Variants in FHIP1A observed in about 807,000 individuals in gnomAD.
The protein encoded by FHIP1A is FHF complex subunit HOOK-interacting protein 1A.
Under a neutral mutation model 88.6 loss-of-function variants are expected in FHIP1A, and 61 were observed. The observed-to-expected ratio is 0.69, with a 90% CI of 0.56 to 0.85. FHIP1A has a LOEUF of 0.85. Ranked by LOEUF, FHIP1A falls within the 40% of genes least tolerant of loss-of-function variation. FHIP1A has a pLI of 0.00. For missense variants in FHIP1A, 1,154 were observed against 1,273.5 expected, an observed-to-expected ratio of 0.91 and a Z score of 1.43; for synonymous variants, 478 against 496.0, an observed-to-expected ratio of 0.96 and a Z score of 0.48.
At chr4:151,506,666 A>C (rs1000341942) in intron 3 of FHIP1A, among the ~76,000 whole-genome samples, 1 of 152,014 alleles carries the variant, frequency 6.6e-6, no homozygotes, top group Non-Finnish European at 1.5e-5. Context: ...GAAGTTATTC[A>C]CTCCTAAGAA....
chr4:151,610,729 C>T (rs1419628238), intron 7 of FHIP1A, among the ~76,000 whole-genome samples: 1 of 152,146 alleles, frequency 6.6e-6, no homozygotes, highest in Non-Finnish European at 1.5e-5. Context: ...TCTTCTCATC[C>T]TCCAATGTCC....
At chr4:151,446,429 A>G (rs1258341065) in intron 1 of FHIP1A, among the ~76,000 whole-genome samples, 1 of 149,968 alleles carries the variant, frequency 6.7e-6, no homozygotes, top group African/African-American at 2.4e-5. Flanking sequence ...TACACACATA[A>G]TGTCATGGGA....
chr4:151,635,610 C>A (rs1213169029), intron 8 of FHIP1A, among the ~76,000 whole-genome samples: 1 of 151,692 alleles, frequency 6.6e-6, no homozygotes, highest in East Asian at 1.9e-4. Flanking sequence ...GGGTATTATG[C>A]GAAGTGAAGT....
chr4:151,593,899 G>C (rs1364157080), intron 7 of FHIP1A, among the ~76,000 whole-genome samples: 1 of 152,158 alleles, frequency 6.6e-6, no homozygotes, highest in African/African-American at 2.4e-5. Context: ...CTGTGGGTTT[G>C]TCATAAATAG....
At position 151,459,184 on chromosome 4, in the gene FHIP1A, T is replaced by C. The variant is rs186643871; in HGVS notation, c.-248+4376T>C. 1.0e-3 allele frequency among the ~76,000 whole-genome samples: 159 copies of C among 152,190 alleles called. 1 individual carries two copies. The highest frequency in any genetic ancestry group is 2.6e-3 in the Admixed American group (40 of 15,278). On this transcript the variant is annotated intron_variant, in intron 2 of 13. Coordinates refer to ENST00000435205, the MANE Select transcript of FHIP1A (RefSeq NM_001109977.3). ...CTAAAGAGAATTTTTTTTTAAAGTA[T>C]ATATATACACACACGTGCACAAAAA... is the stretch of plus-strand genomic sequence containing the variant.
At chr4:151,508,109 G>T (rs1730898028) in intron 3 of FHIP1A, among the ~76,000 whole-genome samples, 1 of 152,184 alleles carries the variant, frequency 6.6e-6, no homozygotes, top group African/African-American at 2.4e-5. Flanking sequence ...TTTGGAAGAG[G>T]CACAGAGATG....
At chr4:151,579,984 T>G (rs1337920168) in intron 5 of FHIP1A, among the ~76,000 whole-genome samples, 1 of 152,212 alleles carries the variant, frequency 6.6e-6, no homozygotes, top group Non-Finnish European at 1.5e-5. Flanking sequence ...GGGGATATTC[T>G]CCCACATAAC....
rs138663823 is a variant in FHIP1A, at chr4:151,576,965, C to T, written c.106-485C>T. On this transcript the variant is annotated intron_variant, in intron 4 of 13. Coordinates refer to ENST00000435205, the MANE Select transcript of FHIP1A (RefSeq NM_001109977.3). The stretch of plus-strand genomic sequence containing the variant: ...TTTAAAATTAAAAAGCAATATTATA[C>T]ATCAACAATCTAGAAAAAAATTTAA... The T allele has an allele frequency of 4.2e-3, 652 of 153,590 alleles. 5 individuals carry two copies. The highest frequency in any genetic ancestry group is 5.8e-3 in the Non-Finnish European group (401 of 68,998). The allele number at this position is 153,590 out of a possible 1,614,324, so 9.5% of individuals were successfully genotyped here.
intron 7 of FHIP1A, among the ~76,000 whole-genome samples, chr4:151,594,992 A>G (rs1338543824): frequency 6.6e-6 from 1 of 152,080 alleles, no homozygotes; most frequent in Non-Finnish European, 1.5e-5. Flanking sequence ...GGATTCATTG[A>G]TTTTTTGAAG....
chr4:151,522,157 G>A (rs1352878374), intron 3 of FHIP1A, among the ~76,000 whole-genome samples: 2 of 152,110 alleles, frequency 1.3e-5, no homozygotes, highest in African/African-American at 4.8e-5. Context: ...CTCCATGAAA[G>A]AACACAATGA....
At chr4:151,541,172 T>C (rs922809121) in intron 3 of FHIP1A, among the ~76,000 whole-genome samples, 1 of 152,282 alleles carries the variant, frequency 6.6e-6, no homozygotes, top group Middle Eastern at 3.4e-3. Context: ...AGACTAGAGA[T>C]CATTGTTTAT....
intron 7 of FHIP1A, among the ~76,000 whole-genome samples, chr4:151,603,312 GAA>G (rs112779877): frequency 1.5e-5 from 2 of 132,646 alleles, no homozygotes; most frequent in Admixed American, 7.6e-5. Context: ...GACTCCGTCT[GAA>G]AAAAAAAAAA....
At chr4:151,527,681 T>G (rs1731730557) in intron 3 of FHIP1A, among the ~76,000 whole-genome samples, 1 of 152,196 alleles carries the variant, frequency 6.6e-6, no homozygotes, top group Non-Finnish European at 1.5e-5. Flanking sequence ...CTGCAATGCT[T>G]CAGTATAATG....
intron 1 of FHIP1A, among the ~76,000 whole-genome samples, chr4:151,443,724 T>TGTGTGTGTGTGTG (rs370363970): frequency 5.5e-4 from 82 of 148,210 alleles, no homozygotes; most frequent in Non-Finnish European, 7.3e-4. Context: ...TGTGTGTGTG[T>TGTGTGTGTGTGTG]TTAGTACTGG....
intron 3 of FHIP1A, among the ~76,000 whole-genome samples, chr4:151,565,222 T>C (rs1733337821): frequency 6.6e-6 from 1 of 152,186 alleles, no homozygotes; most frequent in African/African-American, 2.4e-5. Context: ...CCAGTCCTTT[T>C]ATGGGCTGAT....
intron 10 of FHIP1A, among the ~76,000 whole-genome samples, chr4:151,647,215 C>T (rs1388953943): frequency 1.3e-5 from 2 of 152,130 alleles, no homozygotes; most frequent in African/African-American, 4.8e-5. Flanking sequence ...ATTTGATTGA[C>T]CTAATGAGGA....
At chr4:151,628,233 G>A (rs765818629) in intron 7 of FHIP1A, among the ~76,000 whole-genome samples, 1 of 152,166 alleles carries the variant, frequency 6.6e-6, no homozygotes, top group Non-Finnish European at 1.5e-5. Flanking sequence ...ACTGTGGAAT[G>A]ACTTCTCGTT....
chr4:151,484,042 C>G (rs951783750), intron 3 of FHIP1A, among the ~76,000 whole-genome samples: 2 of 152,138 alleles, frequency 1.3e-5, no homozygotes, highest in African/African-American at 4.8e-5. Context: ...CTCTGATGAA[C>G]TCTGAGTTTT....
intron 1 of FHIP1A, among the ~76,000 whole-genome samples, chr4:151,411,962 A>G (rs1732665540): frequency 1.3e-5 from 2 of 152,214 alleles, no homozygotes; most frequent in Non-Finnish European, 2.9e-5. Context: ...TGAAAACAAT[A>G]ACAGAAGTGA....
Sources: gnomAD v4.1 joint callset for allele counts (sites outside exome capture counted in the v4.1 genomes callset) on GRCh38, gnomAD v4.1.1 for gene constraint, MANE v1.5 for transcripts, NCBI Gene and HGNC (gene_info 2026-07-23, HGNC 2026-07-21) for gene names.